TMEM132D: variants seen among roughly 807,000 people sequenced by gnomAD.
TMEM132D encodes transmembrane protein 132D.
A neutral mutation model predicts 62.3 loss-of-function variants in TMEM132D; 21 were observed. The ratio of observed to expected loss-of-function variants is 0.34; its 90% CI spans 0.24 to 0.49. TMEM132D has a LOEUF of 0.49. TMEM132D is among the 20% of genes least tolerant of loss of function. TMEM132D has a pLI of 0.99. For missense variants in TMEM132D, 1,346 were observed against 1,402.8 expected (o/e 0.96, Z 0.65); for synonymous variants, 621 against 575.6 (o/e 1.08, Z -1.13).
At chr12:129,091,481 A>T (rs765535388) in intron 5 of TMEM132D, among the ~76,000 whole-genome samples, 7 of 147,938 alleles carry the variant, frequency 4.7e-5, no homozygotes, top group Non-Finnish European at 1.0e-4. Flanking sequence ...GGCTCTGGAG[A>T]CCTTACCTAT....
intron 2 of TMEM132D, among the ~76,000 whole-genome samples, chr12:129,617,638 G>A (rs893789738): frequency 3.9e-5 from 6 of 152,094 alleles, no homozygotes; most frequent in African/African-American, 7.2e-5. Flanking sequence ...AGGTGCCATC[G>A]ATGAACCAGG....
chr12:129,678,446 G>A (rs1304032474), intron 2 of TMEM132D, among the ~76,000 whole-genome samples: 3 of 152,000 alleles, frequency 2.0e-5, no homozygotes, highest in East Asian at 1.9e-4. Context: ...TTTTGTTTTC[G>A]TTTATAAAAT....
At chr12:129,739,462 A>G (rs1869531636) in intron 1 of TMEM132D, among the ~76,000 whole-genome samples, 1 of 152,158 alleles carries the variant, frequency 6.6e-6, no homozygotes, top group Non-Finnish European at 1.5e-5. Context: ...ACGCTGGCCT[A>G]CCTCAGCTTC....
chr12:129,732,171 T>C (rs61945252), intron 1 of TMEM132D, among the ~76,000 whole-genome samples: 21,862 of 152,038 alleles, frequency 0.14, 1,760 homozygotes, highest in South Asian at 0.25. Flanking sequence ...TTGCCCTTCC[T>C]CAGATCGCAT....
chr12:129,737,618 T>G (rs1869470005), intron 1 of TMEM132D, among the ~76,000 whole-genome samples: 2 of 152,168 alleles, frequency 1.3e-5, no homozygotes, highest in Admixed American at 1.3e-4. Context: ...CAGCTGATGT[T>G]GTCCTTTTCA....
intron 4 of TMEM132D, among the ~76,000 whole-genome samples, chr12:129,283,870 A>ACT (rs1201141927): frequency 6.6e-6 from 1 of 152,218 alleles, no homozygotes. Flanking sequence ...GTACATGCAC[A>ACT]CTGTGGGGGA....
At chr12:129,153,895 C>T (rs374410245) in intron 5 of TMEM132D, among the ~76,000 whole-genome samples, 87 of 152,190 alleles carry the variant, frequency 5.7e-4, no homozygotes, top group African/African-American at 2.0e-3. Context: ...TCTCCAGAAG[C>T]GCACTGATCA....
rs1872695640 is a variant in TMEM132D at position 129,827,584 on chromosome 12, G to A, written c.79+75677C>T. The stretch of plus-strand genomic sequence containing the variant: ...GTGGTTGCTGGAACCCACGTTCTGA[G>A]CCTGCGGTGTTTCCTGCTGTGGCAG... On this transcript the variant is annotated intron_variant, in intron 1 of 8. Transcript: ENST00000422113. The surrounding 1 kb of genome is among the most constrained non-coding windows in gnomAD (Gnocchi z 9.7). Among the ~76,000 whole-genome samples, 2 of 152,192 alleles carry A rather than the reference G, an allele frequency of 1.3e-5. No homozygotes were observed. Among genetic ancestry groups the A allele is most frequent in the Non-Finnish European group, 2.9e-5 (2 of 68,044 alleles).
chr12:129,301,249 C>A (rs1363673880), intron 4 of TMEM132D, among the ~76,000 whole-genome samples: 2 of 152,152 alleles, frequency 1.3e-5, no homozygotes. Flanking sequence ...CTTGTTAATG[C>A]TCGACTTCTT....
At chr12:129,621,847 C>T (rs904060764) in intron 2 of TMEM132D, among the ~76,000 whole-genome samples, 34 of 152,182 alleles carry the variant, frequency 2.2e-4, no homozygotes, top group African/African-American at 8.2e-4. Context: ...GGGACTAGAG[C>T]CCCAGTGCGG....
At chr12:129,761,616 C>A (rs1162926979) in intron 1 of TMEM132D, among the ~76,000 whole-genome samples, 2 of 152,206 alleles carry the variant, frequency 1.3e-5, no homozygotes, top group Non-Finnish European at 2.9e-5. Flanking sequence ...TGCTCTCTCT[C>A]GGTTCTCCGC....
intron 1 of TMEM132D, among the ~76,000 whole-genome samples, chr12:129,786,847 T>C (rs953711652): frequency 3.3e-5 from 5 of 152,060 alleles, no homozygotes; most frequent in Non-Finnish European, 7.4e-5. Context: ...GCCAAGATAG[T>C]GCCACTGTGC....
At chr12:129,368,539 C>T (rs894787558) in intron 3 of TMEM132D, among the ~76,000 whole-genome samples, 3 of 152,084 alleles carry the variant, frequency 2.0e-5, no homozygotes, top group Non-Finnish European at 4.4e-5. Flanking sequence ...CCTGCCTTCC[C>T]TTCTTCATTC....
chr12:129,750,788 A>T (rs1356739188), intron 1 of TMEM132D, among the ~76,000 whole-genome samples: 1 of 152,082 alleles, frequency 6.6e-6, no homozygotes, highest in Non-Finnish European at 1.5e-5. Flanking sequence ...GGTGACTAGC[A>T]CTCACAATAA....
At chr12:129,312,156 G>C (rs1881991722) in intron 4 of TMEM132D, among the ~76,000 whole-genome samples, 1 of 152,196 alleles carries the variant, frequency 6.6e-6, no homozygotes, top group African/African-American at 2.4e-5. Context: ...CAGCAGAGGA[G>C]ATGAAGATAA....
chr12:129,268,065 T>G (rs1023876938), intron 4 of TMEM132D, among the ~76,000 whole-genome samples: 1 of 152,154 alleles, frequency 6.6e-6, no homozygotes, highest in Non-Finnish European at 1.5e-5. Flanking sequence ...ATGTTAGACC[T>G]AAAACCATAA....
intron 4 of TMEM132D, among the ~76,000 whole-genome samples, chr12:129,233,364 T>G (rs1421345209): frequency 2.0e-5 from 3 of 152,184 alleles, no homozygotes; most frequent in Non-Finnish European, 4.4e-5. Flanking sequence ...TTATTCTTCC[T>G]TCCTATATTC....
chr12:129,466,402 C>T (rs1450402563), intron 3 of TMEM132D, among the ~76,000 whole-genome samples: 1 of 148,450 alleles, frequency 6.7e-6, no homozygotes, highest in Non-Finnish European at 1.5e-5. Flanking sequence ...GCCTTGAACT[C>T]CTGGGCTAAA....
chr12:129,684,188 C>T (rs527595482), intron 2 of TMEM132D, among the ~76,000 whole-genome samples: 1 of 152,288 alleles, frequency 6.6e-6, no homozygotes, highest in Non-Finnish European at 1.5e-5. Context: ...ACCCAAATCT[C>T]ATCCTGAATT....
Sources: gnomAD v4.1 joint callset for allele counts (sites outside exome capture counted in the v4.1 genomes callset) on GRCh38, gnomAD v4.1.1 for gene constraint, Gnocchi (gnomAD v3.1) non-coding constraint, MANE v1.5 for transcripts, NCBI Gene and HGNC (gene_info 2026-07-23, HGNC 2026-07-21) for gene names.